Variants in SPTLC3 observed in about 807,000 individuals in gnomAD.
SPTLC3 encodes serine palmitoyltransferase long chain base subunit 3.
In SPTLC3, 36 loss-of-function variants were observed where a neutral mutation model predicts 59.3. That is an observed-to-expected ratio of 0.61 (90% CI 0.47 to 0.80). SPTLC3 has a LOEUF of 0.80. Among genes scored for constraint, SPTLC3 ranks in the 30% least tolerant of loss-of-function variants. The probability of loss-of-function intolerance (pLI) is 0.00; values close to 1 mark genes in which losing one functional copy is unlikely to be tolerated. For synonymous variants in SPTLC3, 257 were observed against 240.8 expected, an observed-to-expected ratio of 1.07 and a Z score of -0.62; for missense variants, 625 against 685.1, an observed-to-expected ratio of 0.91 and a Z score of 0.98.
At chr20:13,091,358 A>G (rs1385915634) in intron 5 of SPTLC3, 151 bp downstream of exon 5, 1 of 905,180 alleles carries the variant, frequency 1.1e-6, no homozygotes, top group Non-Finnish European at 1.6e-6. Context: ...GCGGATCACG[A>G]GGTCAAGAGA....
At chr20:13,159,701 A>G (rs2038852184) in intron 10 of SPTLC3, among the ~76,000 whole-genome samples, 1 of 152,196 alleles carries the variant, frequency 6.6e-6, no homozygotes, top group Non-Finnish European at 1.5e-5. Context: ...AACCAGAGTC[A>G]TAAACATCAG....
intron 8 of SPTLC3, among the ~76,000 whole-genome samples, chr20:13,118,017 G>A (rs568520185): frequency 6.6e-4 from 101 of 152,282 alleles, no homozygotes; most frequent in Non-Finnish European, 9.4e-4. Flanking sequence ...ACTCTGTTAA[G>A]TAGTATCTAG....
intron 7 of SPTLC3, 28 bp downstream of exon 7, chr20:13,110,245 G>A (rs372257304): frequency 2.6e-5 from 41 of 1,587,144 alleles, no homozygotes; most frequent in South Asian, 6.8e-5. Flanking sequence ...CACATTTTAC[G>A]ACTCGGAGGC....
intron 10 of SPTLC3, 138 bp downstream of exon 10, chr20:13,154,276 A>C (rs1600397794): frequency 9.1e-7 from 1 of 1,096,760 alleles, no homozygotes. Context: ...CTCGGAAGCC[A>C]CCTGTCACTC....
At chr20:13,042,152 T>C (rs1987011804) in intron 1 of SPTLC3, among the ~76,000 whole-genome samples, 1 of 152,244 alleles carries the variant, frequency 6.6e-6, no homozygotes, top group Admixed American at 6.5e-5. Flanking sequence ...TGATTCTCTC[T>C]GGCTGAACTA....
chr20:13,138,998 C>A (rs1289887670), intron 9 of SPTLC3, among the ~76,000 whole-genome samples: 1 of 152,196 alleles, frequency 6.6e-6, no homozygotes, highest in Non-Finnish European at 1.5e-5. Flanking sequence ...TCAGCAGGCA[C>A]TGGGCAACAG....
intron 1 of SPTLC3, among the ~76,000 whole-genome samples, chr20:13,027,486 C>T (rs62201708): frequency 0.012 from 1,853 of 152,016 alleles, 17 homozygotes; most frequent in Non-Finnish European, 0.019. Context: ...ACAGACACGC[C>T]GACTCTACAT....
At chr20:13,017,315 C>A (rs545620841) in intron 1 of SPTLC3, among the ~76,000 whole-genome samples, 1 of 152,174 alleles carries the variant, frequency 6.6e-6, no homozygotes, top group Non-Finnish European at 1.5e-5. Flanking sequence ...CCATGCCTCA[C>A]TTTGAACAAC....
intron 9 of SPTLC3, among the ~76,000 whole-genome samples, chr20:13,134,819 A>C (rs944016565): frequency 2.0e-4 from 31 of 152,230 alleles, no homozygotes; most frequent in African/African-American, 7.5e-4. Flanking sequence ...AAAAAGCCCG[A>C]AAGAGAAAAG....
chr20:13,127,767 G>A lies in SPTLC3; in HGVS notation c.1279+1050G>A, dbSNP rs546646730. ...TCTTTTTCACTAAAGCAGGGTAAAG[G>A]CCTGCAGGAGGATATTTTTTCCTCC... On this transcript the variant is annotated intron_variant, in intron 9 of 11. Transcript: ENST00000399002. Among the ~76,000 whole-genome samples, 4 of 152,256 alleles carry A rather than the reference G, an allele frequency of 2.6e-5. No homozygotes were observed. The South Asian group carries it at 8.3e-4, about 32-fold the overall frequency.
rs146074701 is a variant in SPTLC3 at position 13,129,186 on chromosome 20, G to A, written c.1279+2469G>A. ...CTGGCCAATTTTTGTATTTGTAGTC[G>A]AGACGGGGTTTCACCACGTTGGCCA... On this transcript the variant is annotated intron_variant, in intron 9 of 11. Transcript: ENST00000399002. Among the ~76,000 whole-genome samples, 689 of 152,152 alleles carry A rather than the reference G, an allele frequency of 4.5e-3. 3 individuals are homozygous for A. Among genetic ancestry groups the A allele is most frequent in the Non-Finnish European group, 7.1e-3 (484 of 68,002 alleles).
chr20:13,153,991 G>C lies in SPTLC3; in HGVS notation c.1280-12G>C. The C allele has an allele frequency of 6.2e-7, 1 of 1,612,914 alleles. No individual in the cohort carries two copies. ...GTGGGAATTGATGGATTTCACGCCT[G>C]TCTCTTTTCAGGGCTGCAGAGAGTA... On this transcript the variant is annotated splice_polypyrimidine_tract_variant and intron_variant, in intron 9 of 11. Transcript: ENST00000399002.
At chr20:13,051,014 A>G (rs1189052899) in intron 2 of SPTLC3, 1 of 152,214 alleles carries the variant, frequency 6.6e-6, no homozygotes, top group Non-Finnish European at 1.5e-5. Context: ...CACAAGTTAA[A>G]AAGCAAAAAC....
chr20:13,049,992 G>GA (rs1987411856), intron 2 of SPTLC3: 1 of 152,072 alleles, frequency 6.6e-6, no homozygotes, highest in South Asian at 2.1e-4. Context: ...GAAGGAACCA[G>GA]AAAACCAACC....
chr20:13,133,861 A>G (rs546381846), intron 9 of SPTLC3, among the ~76,000 whole-genome samples: 2 of 152,320 alleles, frequency 1.3e-5, no homozygotes, highest in South Asian at 4.1e-4. Flanking sequence ...TTCACTTAAC[A>G]TCCTTTCCCT....
Position 13,117,744 on chromosome 20 carries a change from G to A in SPTLC3, c.1152+19G>A, listed in dbSNP as rs368521260. ...AAGGAAGGTAAGAGAGGGCCTGCTTGTGTCTGTTTAAAACCTGAGCGCCCT... is the reference window on the plus strand; with the variant it reads ...AAGGAAGGTAAGAGAGGGCCTGCTTATGTCTGTTTAAAACCTGAGCGCCCT... On this transcript the variant is annotated intron_variant, in intron 8 of 11. Coordinates refer to ENST00000399002, the MANE Select transcript of SPTLC3 (RefSeq NM_018327.4). 71 of 1,593,548 alleles carry A rather than the reference G, an allele frequency of 4.5e-5. No individual in the cohort carries two copies. In the African/African-American group the frequency reaches 8.4e-4, roughly 19 times the overall value.
At chr20:13,021,247 CCTTTAAA>C (rs1372013032) in intron 1 of SPTLC3, among the ~76,000 whole-genome samples, 5 of 152,262 alleles carry the variant, frequency 3.3e-5, no homozygotes, top group African/African-American at 1.2e-4. Context: ...CTCTCTTTGA[CCTTTAAA>C]CAATGGAATG....
chr20:13,146,031 C>T (rs943496663), intron 9 of SPTLC3, among the ~76,000 whole-genome samples: 1 of 152,156 alleles, frequency 6.6e-6, no homozygotes, highest in African/African-American at 2.4e-5. Context: ...AACCTAAATC[C>T]TTATCAATGA....
intron 2 of SPTLC3, among the ~76,000 whole-genome samples, chr20:13,071,541 G>T (rs1254189010): frequency 6.6e-6 from 1 of 152,136 alleles, no homozygotes; most frequent in Non-Finnish European, 1.5e-5. Context: ...AGTCAGATTT[G>T]CTTCAGCCTC....
Sources: allele counts gnomAD v4.1 joint callset (sites outside exome capture counted in the v4.1 genomes callset), GRCh38; gene constraint gnomAD v4.1.1; transcripts MANE v1.5; gene names NCBI Gene and HGNC (gene_info 2026-07-23, HGNC 2026-07-21).